The following ROBO2 variants were observed in gnomAD, a reference collection of about 807,000 sequenced individuals.
The protein encoded by ROBO2 is roundabout homolog 2.
A neutral mutation model predicts 160.8 loss-of-function variants in ROBO2; 53 were observed. That is an observed-to-expected ratio of 0.33 (90% CI 0.26 to 0.41). The LOEUF is 0.41. ROBO2 is among the 10% of genes least tolerant of loss of function. The pLI is 1.00. For synonymous variants in ROBO2, 664 were observed against 611.7 expected (o/e 1.09, Z -1.26); for missense variants, 1,577 against 1,722.4 (o/e 0.92, Z 1.49).
intron 1 of ROBO2, among the ~76,000 whole-genome samples, chr3:77,070,828 A>G (rs2067332118): frequency 6.6e-6 from 1 of 152,090 alleles, no homozygotes; most frequent in South Asian, 2.1e-4. Context: ...TAGAGGATGG[A>G]CTGTGATGGG....
intron 2 of ROBO2, among the ~76,000 whole-genome samples, chr3:76,658,498 C>T (rs965557212): frequency 1.3e-4 from 20 of 152,078 alleles, no homozygotes; most frequent in Admixed American, 7.9e-4. Flanking sequence ...CCTCGCACCC[C>T]GCAACAGGCC....
intron 2 of ROBO2, among the ~76,000 whole-genome samples, chr3:76,749,025 G>T (rs1028149256): frequency 6.6e-6 from 1 of 151,600 alleles, no homozygotes; most frequent in African/African-American, 2.4e-5. Flanking sequence ...TGCTATTATG[G>T]TAGAATATTT....
chr3:77,230,130 C>G (rs1360405519), intron 2 of ROBO2, among the ~76,000 whole-genome samples: 1 of 151,820 alleles, frequency 6.6e-6, no homozygotes, highest in Non-Finnish European at 1.5e-5. Context: ...CTCTGTCACC[C>G]AGGCTGGAGT....
At chr3:76,566,681 C>T (rs368279260) in intron 2 of ROBO2, among the ~76,000 whole-genome samples, 3 of 151,902 alleles carry the variant, frequency 2.0e-5, no homozygotes, top group East Asian at 3.9e-4. Flanking sequence ...AACTTACAGC[C>T]TAACAGCATG....
At chr3:76,325,320 T>C (rs2072920532) in intron 2 of ROBO2, among the ~76,000 whole-genome samples, 1 of 152,222 alleles carries the variant, frequency 6.6e-6, no homozygotes, top group South Asian at 2.1e-4. Flanking sequence ...ACAATTATTG[T>C]ACAGTAGATT....
chr3:76,860,187 G>C (rs368827030), intron 2 of ROBO2, among the ~76,000 whole-genome samples: 18 of 152,170 alleles, frequency 1.2e-4, no homozygotes, highest in African/African-American at 1.2e-4. Flanking sequence ...ATGTGGCAGA[G>C]TTCACCAGTG....
At chr3:77,487,567 G>C (rs1407295547) in intron 4 of ROBO2, among the ~76,000 whole-genome samples, 2 of 152,174 alleles carry the variant, frequency 1.3e-5, no homozygotes, top group East Asian at 3.9e-4. Flanking sequence ...TTTTCTGGAA[G>C]GGCATGACAA....
intron 2 of ROBO2, among the ~76,000 whole-genome samples, chr3:76,322,980 A>G (rs2072692517): frequency 1.3e-5 from 2 of 152,172 alleles, no homozygotes; most frequent in Admixed American, 1.3e-4. Flanking sequence ...TCTGAGGCAA[A>G]TTATCTGACT....
At chr3:76,983,331 AAAT>A (rs2060198708) in intron 2 of ROBO2, among the ~76,000 whole-genome samples, 1 of 152,198 alleles carries the variant, frequency 6.6e-6, no homozygotes, top group Non-Finnish European at 1.5e-5. Flanking sequence ...TTAGAAAAGA[AAAT>A]AAGCACTACT....
intron 2 of ROBO2, among the ~76,000 whole-genome samples, chr3:76,836,108 T>G (rs1038372823): frequency 1.3e-5 from 2 of 152,066 alleles, no homozygotes; most frequent in African/African-American, 4.8e-5. Flanking sequence ...GAATAGAGGC[T>G]TAGTCATTCA....
intron 2 of ROBO2, among the ~76,000 whole-genome samples, chr3:76,552,077 G>A (rs1408021032): frequency 6.6e-6 from 1 of 152,158 alleles, no homozygotes; most frequent in Non-Finnish European, 1.5e-5. Flanking sequence ...CGGATCCTGT[G>A]ACAATTGCAT....
intron 2 of ROBO2, among the ~76,000 whole-genome samples, chr3:77,128,470 T>C (rs1031294800): frequency 1.3e-5 from 2 of 152,224 alleles, no homozygotes; most frequent in African/African-American, 4.8e-5. Context: ...GGGACTGCTG[T>C]ACACAAAAAT....
intron 2 of ROBO2, among the ~76,000 whole-genome samples, chr3:76,965,516 G>A (rs181694946): frequency 2.0e-5 from 3 of 152,202 alleles, no homozygotes; most frequent in Admixed American, 6.5e-5. Flanking sequence ...GGGAAATTGC[G>A]TGTACCTATG....
chr3:76,334,780 A>G (rs532500538), intron 2 of ROBO2, among the ~76,000 whole-genome samples: 1 of 152,294 alleles, frequency 6.6e-6, no homozygotes, highest in African/African-American at 2.4e-5. Context: ...CTGATTCTCA[A>G]GGTAGAGAAG....
At chr3:77,146,707 C>T (rs1034055714) in intron 2 of ROBO2, among the ~76,000 whole-genome samples, 4 of 152,138 alleles carry the variant, frequency 2.6e-5, no homozygotes, top group African/African-American at 9.7e-5. Context: ...GTGGCTCACG[C>T]TTGTAATCCC....
intron 2 of ROBO2, among the ~76,000 whole-genome samples, chr3:77,136,487 T>C (rs1398556726): frequency 1.4e-5 from 2 of 147,442 alleles, no homozygotes; most frequent in African/African-American, 5.0e-5. Context: ...TGCTTTTTTT[T>C]TTTTTTTTTT....
At chr3:77,286,227 T>C (rs2060583571) in intron 2 of ROBO2, among the ~76,000 whole-genome samples, 1 of 151,042 alleles carries the variant, frequency 6.6e-6, no homozygotes, top group Admixed American at 6.6e-5. Flanking sequence ...CCAAAAGTAA[T>C]GGAAGCCTAG....
At position 77,477,252 on chromosome 3, in the gene ROBO2, G is replaced by T. The variant is rs560476325; in HGVS notation, c.389-162G>T. ...CATTCTCCTGTTGATGATCATTTAT[G>T]TTGGCTCCAGAATATTTTAAGGTGG... On this transcript the variant is annotated intron_variant, in intron 2 of 25. Transcript: ENST00000461745. Among the ~76,000 whole-genome samples, 67 of 152,244 alleles carry T rather than the reference G, an allele frequency of 4.4e-4. No homozygotes were observed. Among genetic ancestry groups the T allele is most frequent in the Middle Eastern group, 6.8e-3 (2 of 294 alleles).
At chr3:76,618,281 A>G (rs1398069428) in intron 2 of ROBO2, among the ~76,000 whole-genome samples, 1 of 151,672 alleles carries the variant, frequency 6.6e-6, no homozygotes, top group Non-Finnish European at 1.5e-5. Flanking sequence ...CCCATTACAT[A>G]GAGACTGCTG....
Sources: allele counts gnomAD v4.1 joint callset (sites outside exome capture counted in the v4.1 genomes callset), GRCh38; gene constraint gnomAD v4.1.1; transcripts MANE v1.5; gene names NCBI Gene and HGNC (gene_info 2026-07-23, HGNC 2026-07-21).